DMTF1: variants seen among roughly 807,000 people sequenced by gnomAD.
DMTF1 encodes the protein cyclin D binding myb like transcription factor 1.
In DMTF1, 39 loss-of-function variants were observed where a neutral mutation model predicts 91.1. The ratio of observed to expected loss-of-function variants is 0.43; its 90% CI spans 0.33 to 0.56. DMTF1 has a LOEUF of 0.56. Ranked by LOEUF, DMTF1 falls within the 20% of genes least tolerant of loss-of-function variation. The pLI is 0.05. For synonymous variants in DMTF1, 338 were observed against 309.5 expected (o/e 1.09, Z -0.97); for missense variants, 750 against 914.5 (o/e 0.82, Z 2.32).
intron 5 of DMTF1, among the ~76,000 whole-genome samples, chr7:87,172,136 T>G (rs1396451795): frequency 6.6e-6 from 1 of 152,220 alleles, no homozygotes; most frequent in Non-Finnish European, 1.5e-5. Context: ...CAAGGTCTTT[T>G]GATAGCTCTC....
intron 1 of DMTF1, among the ~76,000 whole-genome samples, chr7:87,153,897 G>A (rs2129036938): frequency 6.6e-6 from 1 of 152,084 alleles, no homozygotes; most frequent in African/African-American, 2.4e-5. Context: ...TTTCAGTTAA[G>A]GGTTTTCATG....
chr7:87,175,331 T>C (rs1455820829), intron 7 of DMTF1, among the ~76,000 whole-genome samples: 1 of 152,186 alleles, frequency 6.6e-6, no homozygotes, highest in African/African-American at 2.4e-5. Flanking sequence ...AAGGTATGCA[T>C]CTTTGAATGA....
chr7:87,183,789 G>A (rs1797861613), intron 10 of DMTF1, among the ~76,000 whole-genome samples: 1 of 152,188 alleles, frequency 6.6e-6, no homozygotes, highest in Non-Finnish European at 1.5e-5. Context: ...TTATCTATTA[G>A]TGGGTTTATG....
Position 87,193,302 on chromosome 7 carries a change from G to C in DMTF1, c.1599G>C (p.Leu533=). The C allele has an allele frequency of 6.2e-7, 1 of 1,613,368 alleles. No individual in the cohort carries two copies. Among genetic ancestry groups the C allele is most frequent in the East Asian group, 2.2e-5 (1 of 44,854 alleles). The change falls in exon 15 of 18, where the codon CTG becomes CTC. Residue 533 remains leucine, a synonymous_variant. Coordinates refer to ENST00000331242, the MANE Select transcript of DMTF1 (RefSeq NM_001142327.2). ...TGACTGCTAGTCCCACAGTAACCCT[G>C]ACAGCTGCTGCTCCTGCTTCTCCTG... The part of the protein sequence containing the change: ...LTLTASPTVT[L]TAAAPASPEQ...
At chr7:87,179,114 C>T (rs1278286513) in intron 7 of DMTF1, among the ~76,000 whole-genome samples, 2 of 151,734 alleles carry the variant, frequency 1.3e-5, no homozygotes, top group African/African-American at 4.8e-5. Context: ...CTGTTTGTGT[C>T]TTTTTTTAAA....
chr7:87,171,094 A>G lies in DMTF1; in HGVS notation c.327+5A>G, dbSNP rs200542814. 3.4e-5 allele frequency: 53 copies of G among 1,579,510 alleles called. No individual in the cohort carries two copies. Among genetic ancestry groups the G allele is most frequent in the African/African-American group, 2.2e-4 (16 of 73,698 alleles). ...GGGACTGTGACACAGATACAGGTATAGTAAATCTTTTAACTGGCCTCAGGA... is the reference window on the plus strand; with the variant it reads ...GGGACTGTGACACAGATACAGGTATGGTAAATCTTTTAACTGGCCTCAGGA... On this transcript the variant is annotated splice_donor_5th_base_variant and intron_variant, in intron 5 of 17. Coordinates refer to ENST00000331242, the MANE Select transcript of DMTF1 (RefSeq NM_001142327.2).
In DMTF1 at chr7:87,185,692, G is replaced by T. The variant is rs189287223; in HGVS notation, c.1050-137G>T. ...ATCTGCACTCCTGGAATCCTTTCCC[G>T]TGTAACTTAACAATAGCATCTCATT... On this transcript the variant is annotated intron_variant, in intron 11 of 17. Coordinates refer to ENST00000331242, the MANE Select transcript of DMTF1 (RefSeq NM_001142327.2). The T allele has an allele frequency of 1.0e-5, 10 of 961,840 alleles. No individual in the cohort carries two copies. The East Asian group carries it at 2.6e-4, about 25-fold the overall frequency. The allele number at this position is 961,840 out of a possible 1,614,324, so 59.6% of individuals were successfully genotyped here.
chr7:87,155,279 CT>C (rs1010887028), intron 1 of DMTF1, among the ~76,000 whole-genome samples: 39 of 152,112 alleles, frequency 2.6e-4, no homozygotes, highest in African/African-American at 8.9e-4. Context: ...GTTCATTCTA[CT>C]TTTTTTTATA....
rs1801056086 is a variant in DMTF1 at position 87,195,480 on chromosome 7, T to C, written c.*340T>C. ...CTGCTGTGGTTTAAAGTACAGTTTC[T>C]CTAAAGATCAGACATGGCACTGTCT... On this transcript the variant is annotated 3_prime_UTR_variant, in exon 18 of 18. Coordinates refer to ENST00000331242, the MANE Select transcript of DMTF1 (RefSeq NM_001142327.2). 1 of 202,714 alleles carries C rather than the reference T, an allele frequency of 4.9e-6. No individual in the cohort carries two copies. Among genetic ancestry groups the C allele is most frequent in the Non-Finnish European group, 1.0e-5 (1 of 99,344 alleles). 12.6% of individuals were successfully genotyped at this position (202,714 alleles called of 1,614,324 possible).
intron 1 of DMTF1, among the ~76,000 whole-genome samples, chr7:87,159,553 A>G (rs1352541850): frequency 6.6e-6 from 1 of 152,230 alleles, no homozygotes; most frequent in Non-Finnish European, 1.5e-5. Flanking sequence ...TACACAGCAA[A>G]TGATGAAAAC....
intron 7 of DMTF1, among the ~76,000 whole-genome samples, chr7:87,175,931 T>C (rs890322215): frequency 5.3e-5 from 8 of 152,152 alleles, no homozygotes; most frequent in Non-Finnish European, 1.0e-4. Context: ...ATTGGTGGGG[T>C]AAATCTGTAT....
At chr7:87,160,258 A>G (rs1321944227) in intron 1 of DMTF1, among the ~76,000 whole-genome samples, 3 of 150,740 alleles carry the variant, frequency 2.0e-5, no homozygotes, top group Admixed American at 6.6e-5. Flanking sequence ...TGAAAAAAGT[A>G]TCAGTAGTTT....
At chr7:87,188,366 G>T (rs1404939602) in intron 13 of DMTF1, 65 bp downstream of exon 13, 4 of 1,538,918 alleles carry the variant, frequency 2.6e-6, no homozygotes, top group Non-Finnish European at 3.6e-6. Flanking sequence ...TGGCTCTGAT[G>T]TCTTTTGGTT....
At chr7:87,187,924 C>A in intron 12 of DMTF1, 168 bp from the exon 13 acceptor site, 1 of 587,026 alleles carries the variant, frequency 1.7e-6, no homozygotes, top group Non-Finnish European at 3.0e-6. Flanking sequence ...ATAAAAATCT[C>A]AGGATATGTT....
At chr7:87,181,222 G>A (rs1796347144) in intron 8 of DMTF1, 87 bp from the exon 9 acceptor site, 3 of 653,342 alleles carry the variant, frequency 4.6e-6, no homozygotes, top group Admixed American at 5.3e-5. Flanking sequence ...TTAACATTCA[G>A]CTCCCTAAAT....
chr7:87,167,816 A>G (rs561563612), intron 4 of DMTF1, among the ~76,000 whole-genome samples: 5 of 152,130 alleles, frequency 3.3e-5, no homozygotes, highest in Admixed American at 6.5e-5. Flanking sequence ...TTGTGATTCA[A>G]TTCTAAAACT....
Position 87,193,291 on chromosome 7 carries a change from A to C in DMTF1, c.1588A>C (p.Thr530Pro), listed in dbSNP as rs1440021803. 5 of 1,613,324 alleles carry C rather than the reference A, an allele frequency of 3.1e-6. No individual in the cohort carries two copies. The highest frequency in any genetic ancestry group is 4.2e-6 in the Non-Finnish European group (5 of 1,179,580). ...TCCCCTAACTCTGACTGCTAGTCCC[A>C]CAGTAACCCTGACAGCTGCTGCTCC... is the stretch of plus-strand genomic sequence containing the variant. ...GLPLTLTASP[T>P]VTLTAAAPAS... Residue 530 changes from threonine (T) to proline (P), a missense_variant, in exon 15 of 18, where the codon ACA (threonine) becomes CCA (proline). Around this residue, in one of 3 missense-constraint regions of DMTF1, gnomAD observed 410 missense variants for 420.2 expected, o/e 0.98. Coordinates refer to ENST00000331242, the MANE Select transcript of DMTF1 (RefSeq NM_001142327.2).
chr7:87,174,807 G>A (rs1383090797), intron 7 of DMTF1, 138 bp downstream of exon 7: 3 of 504,988 alleles, frequency 5.9e-6, no homozygotes, highest in Non-Finnish European at 1.1e-5. Context: ...CTAACATGTA[G>A]CTGAATAATT....
intron 16 of DMTF1, 57 bp downstream of exon 16, chr7:87,194,159 A>T: frequency 6.7e-7 from 1 of 1,499,688 alleles, no homozygotes; most frequent in Non-Finnish European, 8.8e-7. Context: ...TCAAACCTGC[A>T]GTTTGGGAAA....
Sources: gnomAD v4.1 joint callset for allele counts (sites outside exome capture counted in the v4.1 genomes callset) on GRCh38, gnomAD v4.1.1 for gene constraint, gnomAD v4.1.1 regional missense constraint, MANE v1.5 for transcripts, NCBI Gene and HGNC (gene_info 2026-07-23, HGNC 2026-07-21) for gene names.